Variants in UPF2 observed in about 807,000 individuals in gnomAD.
UPF2 encodes UPF2 regulator of nonsense mediated mRNA decay.
Under a neutral mutation model 141.4 loss-of-function variants are expected in UPF2, and 17 were observed. The ratio of observed to expected loss-of-function variants is 0.12; its 90% CI spans 0.08 to 0.18. UPF2 has a LOEUF of 0.18. Ranked by LOEUF, UPF2 falls within the 10% of genes least tolerant of loss-of-function variation. The pLI is 1.00. For missense variants in UPF2, 1,152 were observed against 1,515.9 expected (o/e 0.76, Z 3.99); for synonymous variants, 540 against 498.0 (o/e 1.08, Z -1.12).
At chr10:11,958,782 C>T (rs1299486967) in intron 12 of UPF2, among the ~76,000 whole-genome samples, 1 of 152,050 alleles carries the variant, frequency 6.6e-6, no homozygotes, top group East Asian at 1.9e-4. Flanking sequence ...TAGCCAGAGA[C>T]GTTCAAAATT....
intron 9 of UPF2, among the ~76,000 whole-genome samples, chr10:11,977,180 A>C (rs1468553254): frequency 6.6e-6 from 1 of 152,180 alleles, no homozygotes; most frequent in African/African-American, 2.4e-5. Context: ...ACACTTCAAT[A>C]AGAAGGAAAT....
At position 11,936,437 on chromosome 10, in the gene UPF2, A is replaced by G. The variant is rs1372955064; in HGVS notation, c.3546+108T>C. 6.2e-6 allele frequency: 7 copies of G among 1,138,170 alleles called. No individual in the cohort carries two copies. The highest frequency in any genetic ancestry group is 8.3e-6 in the Non-Finnish European group (7 of 844,014). 70.5% of individuals were successfully genotyped at this position (1,138,170 alleles called of 1,614,324 possible). On this transcript the variant is annotated intron_variant, in intron 19 of 21. Transcript: ENST00000357604. This position sits in a 1 kb window ranked among gnomAD's most constrained non-coding sequence, Gnocchi z 6.6. ...AAGGGAAGAAATTATTCTACCACTG[A>G]ATGGTTTAAAACTGTCCAACCCTTA...
rs1441467244 is a variant in UPF2, at chr10:11,959,417, C to G, written c.2185-61G>C. The G allele has an allele frequency of 1.8e-5, 26 of 1,478,324 alleles. No homozygotes were observed. The highest frequency in any genetic ancestry group is 1.8e-4 in the Middle Eastern group (1 of 5,446). 91.6% of individuals were successfully genotyped at this position (1,478,324 alleles called of 1,614,324 possible). ...CCTTCTAAGATTCCTTTACTCCTAA[C>G]TAAACTTCTATTCTCAGTGATTTGC... is the stretch of plus-strand genomic sequence containing the variant. On this transcript the variant is annotated intron_variant, in intron 11 of 21. Coordinates refer to ENST00000357604, the MANE Select transcript of UPF2 (RefSeq NM_015542.4). The surrounding 1 kb of genome is among the most constrained non-coding windows in gnomAD (Gnocchi z 5.9).
intron 3 of UPF2, among the ~76,000 whole-genome samples, chr10:12,027,554 A>C (rs77556098): frequency 0.018 from 2,751 of 152,322 alleles, 47 homozygotes; most frequent in Non-Finnish European, 0.023. Flanking sequence ...TGATGGTACA[A>C]GTACACTCTC....
At chr10:11,957,463 A>T (rs1402718436) in intron 12 of UPF2, among the ~76,000 whole-genome samples, 2 of 151,976 alleles carry the variant, frequency 1.3e-5, no homozygotes, top group African/African-American at 4.8e-5. Flanking sequence ...AAGGTTTATG[A>T]AAAATAACAT....
chr10:11,982,748 G>A (rs1459299069), intron 8 of UPF2, among the ~76,000 whole-genome samples: 4 of 152,044 alleles, frequency 2.6e-5, no homozygotes, highest in African/African-American at 9.7e-5. Flanking sequence ...AGCCTCCCAA[G>A]TACCTGGGAT....
chr10:12,018,497 C>T (rs895301606), intron 3 of UPF2, among the ~76,000 whole-genome samples: 1 of 152,162 alleles, frequency 6.6e-6, no homozygotes, highest in Non-Finnish European at 1.5e-5. Context: ...AGGAGAATCA[C>T]TTGAATCCGG....
At chr10:11,961,451 CATAT>C (rs1833239258) in intron 11 of UPF2, among the ~76,000 whole-genome samples, 1 of 151,552 alleles carries the variant, frequency 6.6e-6, no homozygotes, top group South Asian at 2.1e-4. Flanking sequence ...GAAAGAAAGG[CATAT>C]GTGGCACGAA....
intron 5 of UPF2, among the ~76,000 whole-genome samples, chr10:12,002,045 A>G (rs1259276232): frequency 1.3e-5 from 2 of 152,018 alleles, no homozygotes; most frequent in Non-Finnish European, 2.9e-5. Flanking sequence ...CCGAGGAGGG[A>G]GGATCACCTG....
At chr10:12,033,439 G>A (rs1347287228) in intron 2 of UPF2, among the ~76,000 whole-genome samples, 3 of 152,102 alleles carry the variant, frequency 2.0e-5, no homozygotes, top group Non-Finnish European at 4.4e-5. Context: ...AGGATGTGGT[G>A]GGAGGATGGC....
In UPF2 at chr10:11,931,269, T is replaced by C. The variant is rs1832779004; in HGVS notation, c.3688+372A>G. Among the ~76,000 whole-genome samples, 1 of 152,342 alleles carries C rather than the reference T, an allele frequency of 6.6e-6. No homozygotes were observed. The highest frequency in any genetic ancestry group is 1.9e-4 in the East Asian group (1 of 5,190). On this transcript the variant is annotated intron_variant, in intron 20 of 21. Coordinates refer to ENST00000357604, the MANE Select transcript of UPF2 (RefSeq NM_015542.4). The surrounding 1 kb of genome is among the most constrained non-coding windows in gnomAD (Gnocchi z 5.9). ...ATCTAGGTTTGTCAAGTACACTCTATGATGTTTGCACAATGATGAAATTGC... is the reference window on the plus strand; with the variant it reads ...ATCTAGGTTTGTCAAGTACACTCTACGATGTTTGCACAATGATGAAATTGC...
At chr10:11,925,199 A>G (rs1456969308) in intron 21 of UPF2, among the ~76,000 whole-genome samples, 1 of 152,182 alleles carries the variant, frequency 6.6e-6, no homozygotes, top group African/African-American at 2.4e-5. Context: ...TTGTTCATCT[A>G]CCATGTTTAT....
chr10:12,005,105 A>G (rs905793681), intron 4 of UPF2, among the ~76,000 whole-genome samples: 1 of 74,590 alleles, frequency 1.3e-5, no homozygotes, highest in Non-Finnish European at 3.0e-5. Flanking sequence ...CTCCCCCATG[A>G]GTATTTTTTT....
At chr10:11,961,245 A>T (rs140338119) in intron 11 of UPF2, among the ~76,000 whole-genome samples, 5 of 152,226 alleles carry the variant, frequency 3.3e-5, no homozygotes, top group Non-Finnish European at 7.4e-5. Flanking sequence ...CAAATAAATC[A>T]ACTACTATTC....
intron 14 of UPF2, 31 bp from the exon 15 acceptor site, chr10:11,952,280 T>C (rs201617721): frequency 1.6e-5 from 25 of 1,542,472 alleles, no homozygotes; most frequent in East Asian, 1.6e-4. Flanking sequence ...AATTTAGCTA[T>C]AAGAAATTAG....
chr10:12,031,633 G>A (rs1196525997), intron 2 of UPF2, among the ~76,000 whole-genome samples: 1 of 152,058 alleles, frequency 6.6e-6, no homozygotes, highest in Non-Finnish European at 1.5e-5. Context: ...AAAATTAGCT[G>A]GACATGGTGG....
intron 7 of UPF2, among the ~76,000 whole-genome samples, 168 bp downstream of exon 7, chr10:11,999,738 T>C (rs1400355048): frequency 6.6e-6 from 1 of 152,214 alleles, no homozygotes; most frequent in East Asian, 1.9e-4. Flanking sequence ...AGAGCATCTA[T>C]GAATTACATC....
intron 21 of UPF2, among the ~76,000 whole-genome samples, chr10:11,926,267 G>GGA (rs1401147994): frequency 2.6e-5 from 4 of 152,214 alleles, no homozygotes; most frequent in Admixed American, 1.3e-4. Flanking sequence ...TCCCTGCACT[G>GGA]GAGACCCTGG....
rs1477046506 is a variant in UPF2, at chr10:11,920,557, C to G, written c.*741G>C. Reference sequence around the variant, plus strand: ...GCTCACCTAGATCCCTGTTCTTGGGCTGGTATCACTTTTCTAAGCCATCTG... The same window carrying G: ...GCTCACCTAGATCCCTGTTCTTGGGGTGGTATCACTTTTCTAAGCCATCTG... On this transcript the variant is annotated 3_prime_UTR_variant, in exon 22 of 22. Transcript: ENST00000357604. The G allele has an allele frequency of 6.4e-6, 1 of 156,616 alleles. No homozygotes were observed. The highest frequency in any genetic ancestry group is 1.4e-5 in the Non-Finnish European group (1 of 70,554). 9.7% of individuals were successfully genotyped at this position (156,616 alleles called of 1,614,324 possible).
Sources: gnomAD v4.1 joint callset for allele counts (sites outside exome capture counted in the v4.1 genomes callset) on GRCh38, gnomAD v4.1.1 for gene constraint, Gnocchi (gnomAD v3.1) non-coding constraint, MANE v1.5 for transcripts, NCBI Gene and HGNC (gene_info 2026-07-23, HGNC 2026-07-21) for gene names.